ZNF365: variants seen among roughly 807,000 people sequenced by gnomAD.
ZNF365 encodes the protein zinc finger protein 365.
ZNF365 carries 22 observed loss-of-function variants against 35.0 expected under a neutral mutation model. The observed-to-expected ratio is 0.63, with a 90% CI of 0.45 to 0.90. The LOEUF is 0.90. Among genes scored for constraint, ZNF365 ranks in the 40% least tolerant of loss-of-function variants. The pLI, the probability that ZNF365 is intolerant of heterozygous loss-of-function variation, is 0.00. For missense variants in ZNF365, 448 were observed against 500.3 expected, an observed-to-expected ratio of 0.90 and a Z score of 1.00; for synonymous variants, 188 against 196.2, an observed-to-expected ratio of 0.96 and a Z score of 0.35.
intron 3 of ZNF365, among the ~76,000 whole-genome samples, chr10:62,398,073 C>A (rs1419058432): frequency 1.3e-5 from 2 of 152,106 alleles, no homozygotes; most frequent in African/African-American, 2.4e-5. Context: ...AACTACTGTT[C>A]GATCCAGCAA....
At chr10:62,463,052 A>C (rs1230298606) in intron 4 of ZNF365, among the ~76,000 whole-genome samples, 1 of 152,202 alleles carries the variant, frequency 6.6e-6, no homozygotes, top group Non-Finnish European at 1.5e-5. Flanking sequence ...TAGTGCCCTG[A>C]TCTATCCTTG....
At chr10:62,380,478 A>G (rs1839419831) in intron 2 of ZNF365, among the ~76,000 whole-genome samples, 2 of 152,224 alleles carry the variant, frequency 1.3e-5, no homozygotes, top group African/African-American at 4.8e-5. Context: ...TCTGGTTAGC[A>G]GTAGGCTATT....
intron 3 of ZNF365, among the ~76,000 whole-genome samples, chr10:62,429,517 G>T (rs1167561896): frequency 1.3e-5 from 2 of 152,172 alleles, no homozygotes; most frequent in African/African-American, 4.8e-5. Flanking sequence ...GTACTTAACT[G>T]TTATGTGAGA....
chr10:62,376,703 G>T lies in ZNF365; in HGVS notation c.510G>T (p.Glu170Asp), dbSNP rs1839339348. 2 of 1,614,078 alleles carry T rather than the reference G, an allele frequency of 1.2e-6. No homozygotes were observed. Among genetic ancestry groups the T allele is most frequent in the South Asian group, 2.2e-5 (2 of 91,082 alleles). ...HVREKFNRMV[E>D]AVDRTIEKRI... ...GAGAAAAATTCAATCGAATGGTTGA[G>T]GCTGTGGATAGGACCATTGAGAAGA... Residue 170 changes from glutamate to aspartate, a missense_variant, in exon 2 of 5, where the codon GAG becomes GAT. This residue lies in a region of ZNF365 where 362 missense variants were observed against 375.7 expected (regional missense o/e 0.96). Coordinates refer to ENST00000395254, the MANE Select transcript of ZNF365 (RefSeq NM_014951.3).
downstream of ZNF365, among the ~76,000 whole-genome samples, chr10:62,404,700 T>C (rs1451271304): frequency 6.6e-6 from 1 of 152,134 alleles, no homozygotes; most frequent in Non-Finnish European, 1.5e-5. Context: ...TAACTTTTGA[T>C]TGGGATTCTA....
chr10:62,407,430 AC>A (rs1483639623), downstream of ZNF365, among the ~76,000 whole-genome samples: 3 of 152,074 alleles, frequency 2.0e-5, no homozygotes, highest in African/African-American at 7.2e-5. Flanking sequence ...TGCCTGAAGG[AC>A]CCCACAAGAA....
rs569802269 is a variant in ZNF365, at chr10:62,409,839, G to T, written c.924+21263G>T. ...TTGGGGTCCTGTATAAGCCAGTCAT[G>T]CAACAGTGGGTACAGGAGATATAGC... On this transcript the variant is annotated intron_variant, in intron 3 of 4. Coordinates refer to the ZNF365 transcript ENST00000395255. Among the ~76,000 whole-genome samples the T allele has an allele frequency of 1.7e-4, 26 of 152,214 alleles. No individual in the cohort carries two copies. In the South Asian group the frequency reaches 3.9e-3, roughly 23 times the overall value.
At chr10:62,403,684 C>CA (rs1315946209), downstream of ZNF365, among the ~76,000 whole-genome samples, 2 of 151,930 alleles carry the variant, frequency 1.3e-5, no homozygotes, top group Admixed American at 1.3e-4. Flanking sequence ...ACAGCAACAA[C>CA]AAAAAAAGAA....
At chr10:62,408,497 G>A (rs1026153474) in intron 3 of ZNF365, among the ~76,000 whole-genome samples, 2 of 152,098 alleles carry the variant, frequency 1.3e-5, no homozygotes, top group Non-Finnish European at 2.9e-5. Context: ...ATCGATTAGA[G>A]CCTCATTGTC....
intron 3 of ZNF365, among the ~76,000 whole-genome samples, chr10:62,455,742 A>G (rs1215562096): frequency 6.6e-6 from 1 of 152,158 alleles, no homozygotes; most frequent in Non-Finnish European, 1.5e-5. Context: ...ACTTACATAT[A>G]TTTGGTTATT....
intron 4 of ZNF365, among the ~76,000 whole-genome samples, chr10:62,461,525 C>G (rs1380031993): frequency 6.6e-6 from 1 of 152,308 alleles, no homozygotes; most frequent in Admixed American, 6.5e-5. Flanking sequence ...GACCGTGTTC[C>G]GCACGGAGCT....
At chr10:62,393,128 C>A (rs1021533718) in intron 3 of ZNF365, among the ~76,000 whole-genome samples, 3 of 151,596 alleles carry the variant, frequency 2.0e-5, no homozygotes, top group Admixed American at 2.0e-4. Flanking sequence ...ACTGGAAGGT[C>A]TTCAGAGGCT....
At chr10:62,387,495 A>G (rs1033578593) in intron 2 of ZNF365, among the ~76,000 whole-genome samples, 13 of 152,232 alleles carry the variant, frequency 8.5e-5, no homozygotes, top group Admixed American at 8.5e-4. Context: ...TCCATTAAAA[A>G]TGAAAGCAAA....
chr10:62,438,748 G>A (rs961256430), intron 3 of ZNF365, among the ~76,000 whole-genome samples: 1 of 152,122 alleles, frequency 6.6e-6, no homozygotes, highest in African/African-American at 2.4e-5. Context: ...AATAGATTCT[G>A]GCAAAATCCT....
chr10:62,434,368 T>G (rs1314793094), intron 3 of ZNF365, among the ~76,000 whole-genome samples: 1 of 152,050 alleles, frequency 6.6e-6, no homozygotes, highest in African/African-American at 2.4e-5. Flanking sequence ...GGGGCTAATG[T>G]GCAACTTTAT....
chr10:62,376,678 G>A lies in ZNF365; in HGVS notation c.485G>A (p.Arg162Lys). The change falls in exon 2 of 5, where the codon AGA becomes AAA. Residue 162 changes from arginine to lysine, a missense_variant. This residue lies in a region of ZNF365 where 362 missense variants were observed against 375.7 expected (regional missense o/e 0.96). Coordinates refer to ENST00000395254, the MANE Select transcript of ZNF365 (RefSeq NM_014951.3). Reference protein sequence around the residue: ...DTKASFEAHVREKFNRMVEAV... With the variant: ...DTKASFEAHVKEKFNRMVEAV... ...AAAGCTTCTTTCGAGGCACATGTCA[G>A]AGAAAAATTCAATCGAATGGTTGAG... 1.2e-6 allele frequency: 2 copies of A among 1,614,176 alleles called. No individual in the cohort carries two copies. Among genetic ancestry groups the A allele is most frequent in the Non-Finnish European group, 1.7e-6 (2 of 1,180,044 alleles).
intron 3 of ZNF365, among the ~76,000 whole-genome samples, chr10:62,408,829 G>A (rs1473229033): frequency 6.6e-6 from 1 of 152,078 alleles, no homozygotes; most frequent in East Asian, 1.9e-4. Context: ...CTCATATCTT[G>A]ATGCGTTGGT....
chr10:62,377,077 G>A, intron 2 of ZNF365, 141 bp downstream of exon 2: 7 of 1,156,232 alleles, frequency 6.1e-6, no homozygotes, highest in Non-Finnish European at 8.3e-6. Flanking sequence ...GTTGAACCAG[G>A]AGGAACAAGG....
Position 62,400,949 on chromosome 10 carries a change from C to G in ZNF365, c.*1160C>G. 1 of 985,530 alleles carries G rather than the reference C, an allele frequency of 1.0e-6. No homozygotes were observed. The highest frequency in any genetic ancestry group is 1.2e-6 in the Non-Finnish European group (1 of 829,942). The allele number at this position is 985,530 out of a possible 1,614,324, so 61.0% of individuals were successfully genotyped here. Reference sequence around the variant, plus strand: ...TGACACTGTCTTCCCCTCCTTCCCTCCCTAAAATGGCTTTAGTTTCCACAA... The same window carrying G: ...TGACACTGTCTTCCCCTCCTTCCCTGCCTAAAATGGCTTTAGTTTCCACAA... On this transcript the variant is annotated 3_prime_UTR_variant, in exon 5 of 5. Coordinates refer to ENST00000395254, the MANE Select transcript of ZNF365 (RefSeq NM_014951.3).
Sources: gnomAD v4.1 joint callset for allele counts (sites outside exome capture counted in the v4.1 genomes callset) on GRCh38, gnomAD v4.1.1 for gene constraint, gnomAD v4.1.1 regional missense constraint, MANE v1.5 for transcripts, NCBI Gene and HGNC (gene_info 2026-07-23, HGNC 2026-07-21) for gene names.